C5orf47: variants seen among roughly 807,000 people sequenced by gnomAD.
C5orf47 encodes uncharacterized protein C5orf47.
A neutral mutation model predicts 20.6 loss-of-function variants in C5orf47; 20 were observed. The ratio of observed to expected loss-of-function variants is 0.97; its 90% CI spans 0.68 to 1.41. C5orf47 has a LOEUF of 1.41. C5orf47 is among the 40% of genes most tolerant of loss of function. The pLI, the probability that C5orf47 is intolerant of heterozygous loss-of-function variation, is 0.00. For missense variants in C5orf47, 262 were observed against 238.4 expected, an observed-to-expected ratio of 1.10 and a Z score of -0.65; for synonymous variants, 106 against 97.3, an observed-to-expected ratio of 1.09 and a Z score of -0.53.
In C5orf47 at chr5:174,005,511, GA is replaced by G. The variant is rs1255561387; in HGVS notation, c.*1260del. ...CTAGATGAAGGACACATTGCCTGGG[GA>G]AATGGCCTCGGTTTTTTTGCCATGT... On this transcript the variant is annotated 3_prime_UTR_variant, in exon 5 of 5. Coordinates refer to ENST00000340147, the MANE Select transcript of C5orf47 (RefSeq NM_001144954.2). 2 of 152,250 alleles carry G rather than the reference GA, an allele frequency of 1.3e-5. No individual in the cohort carries two copies. Among genetic ancestry groups the G allele is most frequent in the African/African-American group, 4.8e-5 (2 of 41,430 alleles). The allele number at this position is 152,250 out of a possible 1,614,324, so 9.4% of individuals were successfully genotyped here. A position where few individuals can be genotyped will look rare whatever the true frequency, so the allele number is the denominator to read the frequency against.
At chr5:174,008,666 A>G (rs1016091868), downstream of C5orf47, among the ~76,000 whole-genome samples, 33 of 152,040 alleles carry the variant, frequency 2.2e-4, no homozygotes, top group African/African-American at 6.0e-4. Flanking sequence ...CCCCGTCTCT[A>G]CTAAAAATAC....
intron 4 of C5orf47, among the ~76,000 whole-genome samples, chr5:174,003,040 G>A (rs1021772515): frequency 4.6e-5 from 7 of 152,118 alleles, no homozygotes; most frequent in Non-Finnish European, 7.4e-5. Flanking sequence ...CTTGAGTTAT[G>A]TGATCTTCAC....
chr5:173,996,143 A>ACT (rs1442707377), intron 1 of C5orf47, among the ~76,000 whole-genome samples: 1 of 152,224 alleles, frequency 6.6e-6, no homozygotes, highest in Non-Finnish European at 1.5e-5. Flanking sequence ...TGAGATTTAC[A>ACT]CATGGGGCTG....
downstream of C5orf47, among the ~76,000 whole-genome samples, chr5:174,007,989 T>C (rs774799326): frequency 2.6e-5 from 4 of 152,194 alleles, no homozygotes; most frequent in African/African-American, 4.8e-5. Context: ...GTGGCTCGTA[T>C]ACTGGAGGCC....
chr5:173,991,167 C>A (rs13436655), intron 1 of C5orf47, among the ~76,000 whole-genome samples: 3,165 of 152,116 alleles, frequency 0.021, 122 homozygotes, highest in African/African-American at 0.072. Flanking sequence ...TTCACTTAGC[C>A]TATTGGTTTT....
At chr5:174,008,327 A>G (rs969271364), downstream of C5orf47, among the ~76,000 whole-genome samples, 1 of 152,234 alleles carries the variant, frequency 6.6e-6, no homozygotes, top group Admixed American at 6.5e-5. Context: ...AATGAGACAC[A>G]GTGCAGGAAA....
chr5:174,002,496 A>T (rs1286533529), intron 4 of C5orf47, among the ~76,000 whole-genome samples: 1 of 152,168 alleles, frequency 6.6e-6, no homozygotes, highest in African/African-American at 2.4e-5. Flanking sequence ...ATGATTTCAA[A>T]TGTACAGAAA....
In C5orf47 at chr5:173,990,586, C is replaced by T. The variant is rs375638884; in HGVS notation, c.325+998C>T. Among the ~76,000 whole-genome samples the T allele has an allele frequency of 2.5e-4, 38 of 152,282 alleles. 1 individual carries two copies. The South Asian group carries it at 7.3e-3, about 29-fold the overall frequency. The stretch of plus-strand genomic sequence containing the variant: ...GGTAGCTGAGATTACAGGCACCTGC[C>T]ACCAATGCCCAGCTAATTTTTTTCT... On this transcript the variant is annotated intron_variant, in intron 1 of 4. Transcript: ENST00000340147.
chr5:173,989,341 C>T lies in C5orf47; in HGVS notation c.78C>T (p.Cys26=). ...TGACGCGCTTCGGCTCGCATCAGTGCAGTGGCGTCCTGCAACTGGGCGGCC... is the reference window on the plus strand; with the variant it reads ...TGACGCGCTTCGGCTCGCATCAGTGTAGTGGCGTCCTGCAACTGGGCGGCC... The part of the protein sequence containing the change: ...VYVTRFGSHQ[C]SGVLQLGGRG... The change falls in exon 1 of 5, where the codon TGC becomes TGT. Residue 26 remains cysteine (C), a synonymous_variant. Coordinates refer to ENST00000340147, the MANE Select transcript of C5orf47 (RefSeq NM_001144954.2). The T allele has an allele frequency of 1.3e-6, 2 of 1,495,752 alleles. No individual in the cohort carries two copies. Among genetic ancestry groups the T allele is most frequent in the Non-Finnish European group, 8.9e-7 (1 of 1,118,634 alleles). The allele number at this position is 1,495,752 out of a possible 1,614,324, so 92.7% of individuals were successfully genotyped here.
At position 174,005,027 on chromosome 5, in the gene C5orf47, T is replaced by C. The variant is rs1177515550; in HGVS notation, c.*773T>C. ...TGTTTAATAAGTCCTTTTTTTCTACTCAACATTAAGTAGTAATCAACTTTT... is the reference window on the plus strand; with the variant it reads ...TGTTTAATAAGTCCTTTTTTTCTACCCAACATTAAGTAGTAATCAACTTTT... On this transcript the variant is annotated 3_prime_UTR_variant, in exon 5 of 5. Coordinates refer to ENST00000340147, the MANE Select transcript of C5orf47 (RefSeq NM_001144954.2). 1 of 152,176 alleles carries C rather than the reference T, an allele frequency of 6.6e-6. No homozygotes were observed. Among genetic ancestry groups the C allele is most frequent in the African/African-American group, 2.4e-5 (1 of 41,452 alleles). The allele number at this position is 152,176 out of a possible 1,614,324, so 9.4% of individuals were successfully genotyped here.
chr5:173,998,124 G>T, intron 1 of C5orf47, 29 bp from the exon 2 acceptor site: 1 of 1,280,994 alleles, frequency 7.8e-7, no homozygotes, highest in East Asian at 2.5e-5. Context: ...TATATATGTT[G>T]ACCTTTTCAC....
At chr5:173,990,685 G>A (rs112697777) in intron 1 of C5orf47, among the ~76,000 whole-genome samples, 23,939 of 151,930 alleles carry the variant, frequency 0.16, 2,390 homozygotes, top group African/African-American at 0.28. Context: ...TGATCCACCC[G>A]CCTCAGCCTC....
chr5:173,998,561 A>G, intron 2 of C5orf47, among the ~76,000 whole-genome samples: 1 of 152,240 alleles, frequency 6.6e-6, no homozygotes, highest in East Asian at 1.9e-4. Flanking sequence ...AATGTAGTAT[A>G]AGAAGAAAAA....
rs1356577381 is a variant in C5orf47, at chr5:173,989,455, G to A, written c.192G>A (p.Gln64=). Residue 64 remains glutamine (Q), a synonymous_variant, in exon 1 of 5, where the codon CAG becomes CAA. Transcript: ENST00000340147. The stretch of plus-strand genomic sequence containing the variant: ...AAGCAATGGCGGTGGCGGGCGTTCA[G>A]GGTGGCAGCGAGCTGCCCCTCGGTT... The part of the protein sequence containing the change: ...PREAMAVAGV[Q]GGSELPLGSQ... 10 of 1,549,492 alleles carry A rather than the reference G, an allele frequency of 6.5e-6. No individual in the cohort carries two copies. In the East Asian group the frequency reaches 2.2e-4, roughly 34 times the overall value.
At chr5:173,992,553 G>T (rs1759018017) in intron 1 of C5orf47, among the ~76,000 whole-genome samples, 2 of 151,956 alleles carry the variant, frequency 1.3e-5, no homozygotes, top group Non-Finnish European at 2.9e-5. Context: ...TGTGAGCAGG[G>T]AATTTAATTC....
At chr5:173,998,294 A>T (rs1344791217) in intron 2 of C5orf47, 56 bp downstream of exon 2, 2 of 886,660 alleles carry the variant, frequency 2.3e-6, no homozygotes, top group African/African-American at 1.7e-5. Context: ...ATCCTCTCTA[A>T]ATACAAATGT....
chr5:174,004,917 T>C lies in C5orf47; in HGVS notation c.*663T>C, dbSNP rs1759261082. On this transcript the variant is annotated 3_prime_UTR_variant, in exon 5 of 5. Transcript: ENST00000340147. Reference sequence around the variant, plus strand: ...TGGGCAAAGATCAGAGGAGATGCCCTTTACCTTGCCAGGCCCCTAAGTAAT... The same window carrying C: ...TGGGCAAAGATCAGAGGAGATGCCCCTTACCTTGCCAGGCCCCTAAGTAAT... The C allele has an allele frequency of 6.6e-6, 1 of 152,160 alleles. No individual in the cohort carries two copies. Among genetic ancestry groups the C allele is most frequent in the Non-Finnish European group, 1.5e-5 (1 of 68,010 alleles). 9.4% of individuals were successfully genotyped at this position (152,160 alleles called of 1,614,324 possible). A position where few individuals can be genotyped will look rare whatever the true frequency, so the allele number is the denominator to read the frequency against.
At chr5:173,990,348 C>G (rs562818841) in intron 1 of C5orf47, among the ~76,000 whole-genome samples, 58 of 152,070 alleles carry the variant, frequency 3.8e-4, no homozygotes, top group Non-Finnish European at 3.7e-4. Context: ...GTCTCGAACT[C>G]CTGGGCCCAA....
chr5:173,999,579 T>C (rs960579332), intron 2 of C5orf47, 121 bp from the exon 3 acceptor site: 3 of 437,062 alleles, frequency 6.9e-6, no homozygotes, highest in Non-Finnish European at 1.3e-5. Context: ...AATGCTAATA[T>C]AGCCTTATAA....
Sources: gnomAD v4.1 joint callset for allele counts (sites outside exome capture counted in the v4.1 genomes callset) on GRCh38, gnomAD v4.1.1 for gene constraint, MANE v1.5 for transcripts, NCBI Gene and HGNC (gene_info 2026-07-23, HGNC 2026-07-21) for gene names.